The following GPR78 variants were observed in gnomAD, a reference collection of about 807,000 sequenced individuals.
The protein encoded by GPR78 is G protein-coupled receptor 78.
Under a neutral mutation model 17.9 loss-of-function variants are expected in GPR78, and 29 were observed. That is an observed-to-expected ratio of 1.62 (90% confidence interval 1.20 to 2.21). The LOEUF (loss-of-function observed/expected upper bound fraction) is 2.21. GPR78 is among the 30% of genes most tolerant of loss of function. The pLI is 0.00. For missense variants in GPR78, 649 were observed against 530.5 expected, an observed-to-expected ratio of 1.22 and a Z score of -2.19; for synonymous variants, 349 against 256.9, an observed-to-expected ratio of 1.36 and a Z score of -3.43.
At position 8,581,106 on chromosome 4, in the gene GPR78, G is replaced by C. The variant is rs1345350770; in HGVS notation, c.124G>C (p.Gly42Arg). The change falls in exon 1 of 3, where the codon GGC becomes CGC. Residue 42 changes from glycine (G) to arginine (R), a missense_variant. Physicochemically the swap from Gly to Arg is moderately radical, Grantham distance 125. Transcript: ENST00000382487. The stretch of plus-strand genomic sequence containing the variant: ...CGCTGAGCTCCGCACTCGAGCCTCA[G>C]GCGTCCTCCTGGTGAATCTGTCTCT... ...YSAELRTRASGVLLVNLSLGH... is the reference protein window; with the variant it reads ...YSAELRTRASRVLLVNLSLGH... The C allele has an allele frequency of 6.2e-7, 1 of 1,606,664 alleles. No individual in the cohort carries two copies. Among genetic ancestry groups the C allele is most frequent in the Non-Finnish European group, 8.5e-7 (1 of 1,179,732 alleles).
intron 1 of GPR78, among the ~76,000 whole-genome samples, 189 bp downstream of exon 1, chr4:8,581,839 T>G (rs1205311149): frequency 1.4e-5 from 2 of 142,150 alleles, no homozygotes; most frequent in Non-Finnish European, 3.1e-5. Flanking sequence ...CGGGGGCCTC[T>G]GCCTCCTGGG....
intron 2 of GPR78, among the ~76,000 whole-genome samples, chr4:8,584,984 C>T (rs1713441557): frequency 6.6e-6 from 1 of 152,248 alleles, no homozygotes; most frequent in South Asian, 2.1e-4. Context: ...AACTCCAAGT[C>T]ACCTTGAGCC....
chr4:8,588,546 C>T lies in GPR78; in HGVS notation c.*1183C>T, dbSNP rs1185862853. Among the ~76,000 whole-genome samples, 6 of 152,238 alleles carry T rather than the reference C, an allele frequency of 3.9e-5. No individual in the cohort carries two copies. The highest frequency in any genetic ancestry group is 9.6e-5 in the African/African-American group (4 of 41,456). On this transcript the variant is annotated 3_prime_UTR_variant, in exon 3 of 3. Coordinates refer to ENST00000382487, the MANE Select transcript of GPR78 (RefSeq NM_080819.5). ...TGAATGGACACGATTCTCTCTTCAG[C>T]CTCTGTCATTGCTGTTTTCTTCAAG...
At position 8,587,196 on chromosome 4, in the gene GPR78, G is replaced by A; in HGVS notation, c.925G>A (p.Val309Met). 5 of 1,612,746 alleles carry A rather than the reference G, an allele frequency of 3.1e-6. No homozygotes were observed. The highest frequency in any genetic ancestry group is 4.2e-6 in the Non-Finnish European group (5 of 1,179,440). ...RPFRQVLAGM[V>M]HRLLKRTPRP... ...GTTCCGCCAAGTCCTGGCCGGCATG[G>A]TGCACCGGCTGCTGAAGAGAACCCC... Residue 309 changes from valine (V) to methionine (M), a missense_variant, in exon 3 of 3, where the codon GTG becomes ATG. Physicochemically the swap from Val to Met is conservative, Grantham distance 21 (BLOSUM62 1). Transcript: ENST00000382487.
In GPR78 at chr4:8,581,603, C is replaced by T. The variant is rs756944712; in HGVS notation, c.621C>T (p.Asp207=). The T allele has an allele frequency of 1.6e-5, 24 of 1,543,030 alleles. No individual in the cohort carries two copies. The highest frequency in any genetic ancestry group is 2.7e-5 in the African/African-American group (2 of 73,010). ...RVARRHCQRM[D]TVTMKALALL... is the part of the protein sequence containing the mutation. ...CACGCAGACACTGCCAGCGCATGGA[C>T]ACCGTCACCATGAAGGCGCTCGCGC... The change falls in exon 1 of 3, where the codon GAC becomes GAT. Residue 207 remains aspartate (D), a synonymous_variant. Transcript: ENST00000382487.
intron 2 of GPR78, among the ~76,000 whole-genome samples, chr4:8,584,325 A>T (rs1462600155): frequency 2.0e-5 from 3 of 152,214 alleles, no homozygotes; most frequent in African/African-American, 4.8e-5. Flanking sequence ...ACACGAGTGT[A>T]AGAGGAAGAA....
At chr4:8,582,667 C>G (rs753862812) in intron 2 of GPR78, 23 bp downstream of exon 2, 2 of 1,497,278 alleles carry the variant, frequency 1.3e-6, no homozygotes, top group African/African-American at 2.8e-5. Context: ...AGTCCGGCTC[C>G]TGTTGTGGGA....
In GPR78 at chr4:8,587,050, A is replaced by G. The variant is rs759506438; in HGVS notation, c.783-4A>G. 3.1e-6 allele frequency: 5 copies of G among 1,608,916 alleles called. No individual in the cohort carries two copies. The highest frequency in any genetic ancestry group is 4.5e-5 in the East Asian group (2 of 44,782). ...CTGAGTTAGCTGCTCCGCTTCCCCAACAGGCTGGCGGAGCTCGTGCCCTTC... is the reference window on the plus strand; with the variant it reads ...CTGAGTTAGCTGCTCCGCTTCCCCAGCAGGCTGGCGGAGCTCGTGCCCTTC... On this transcript the variant is annotated splice_polypyrimidine_tract_variant and splice_region_variant and intron_variant, in intron 2 of 2. Transcript: ENST00000382487.
Position 8,587,659 on chromosome 4 carries a change from C to G in GPR78, c.*296C>G, listed in dbSNP as rs540012372. On this transcript the variant is annotated 3_prime_UTR_variant, in exon 3 of 3. Coordinates refer to ENST00000382487, the MANE Select transcript of GPR78 (RefSeq NM_080819.5). ...CTGGGGTCATGGCGATGCTTCGAGA[C>G]AGTGGGTAGGGAAGTGCCCTGTGTG... is the stretch of plus-strand genomic sequence containing the variant. 2.0e-6 allele frequency: 1 copy of G among 504,300 alleles called. No homozygotes were observed. Among genetic ancestry groups the G allele is most frequent in the African/African-American group, 1.9e-5 (1 of 52,088 alleles). 31.2% of individuals were successfully genotyped at this position (504,300 alleles called of 1,614,324 possible). A position where few individuals can be genotyped will look rare whatever the true frequency, so the allele number is the denominator to read the frequency against.
chr4:8,583,754 G>A (rs972578636), intron 2 of GPR78, among the ~76,000 whole-genome samples: 2 of 152,218 alleles, frequency 1.3e-5, no homozygotes, highest in African/African-American at 2.4e-5. Flanking sequence ...GAGTGCCCAC[G>A]CTGAGTGGCA....
intron 2 of GPR78, among the ~76,000 whole-genome samples, chr4:8,584,889 C>T (rs1011697589): frequency 2.0e-5 from 3 of 152,246 alleles, no homozygotes; most frequent in Non-Finnish European, 2.9e-5. Context: ...CAGAGCTCTT[C>T]TCCTGGGAAT....
chr4:8,585,247 C>A (rs1335968559), intron 2 of GPR78, among the ~76,000 whole-genome samples: 6 of 152,188 alleles, frequency 3.9e-5, no homozygotes, highest in Non-Finnish European at 8.8e-5. Flanking sequence ...AGCGAGCCCT[C>A]TTCTCTGCAG....
In GPR78 at chr4:8,587,020, T is replaced by C. The variant is rs372112084; in HGVS notation, c.783-34T>C. 1.7e-5 allele frequency: 27 copies of C among 1,593,542 alleles called. No individual in the cohort carries two copies. In the African/African-American group the frequency reaches 3.3e-4, roughly 20 times the overall value. On this transcript the variant is annotated intron_variant, in intron 2 of 2. Transcript: ENST00000382487. Reference sequence around the variant, plus strand: ...GTGAGTGCGTGGCAGGTGCTGTCACTGTGGCTGAGTTAGCTGCTCCGCTTC... The same window carrying C: ...GTGAGTGCGTGGCAGGTGCTGTCACCGTGGCTGAGTTAGCTGCTCCGCTTC...
chr4:8,585,752 C>T (rs1304094094), intron 2 of GPR78, among the ~76,000 whole-genome samples: 2 of 152,042 alleles, frequency 1.3e-5, no homozygotes, highest in Non-Finnish European at 2.9e-5. Context: ...CATTCTGGCC[C>T]TGCCCCTCAG....
Position 8,581,381 on chromosome 4 carries a change from G to A in GPR78, c.399G>A (p.Gln133=). 6.3e-7 allele frequency: 1 copy of A among 1,584,146 alleles called. No homozygotes were observed. The highest frequency in any genetic ancestry group is 1.1e-5 in the South Asian group (1 of 89,274). ...TGCTGCTGGGCTGTGCCTGGGGACAGTCGCTGGCCTTCTCAGGCGCTGCAC... is the reference window on the plus strand; with the variant it reads ...TGCTGCTGGGCTGTGCCTGGGGACAATCGCTGGCCTTCTCAGGCGCTGCAC... ...AGLLLGCAWG[Q]SLAFSGAALG... is the part of the protein sequence containing the mutation. Residue 133 remains glutamine (Q), a synonymous_variant, in exon 1 of 3, where the codon CAG becomes CAA. Transcript: ENST00000382487.
Position 8,581,335 on chromosome 4 carries a change from T to C in GPR78, c.353T>C (p.Leu118Pro). 2 of 1,576,302 alleles carry C rather than the reference T, an allele frequency of 1.3e-6. No individual in the cohort carries two copies. The highest frequency in any genetic ancestry group is 2.3e-5 in the East Asian group (1 of 44,136). ...TTCCCACTGCGCTACGCCGGACGCC[T>C]GCGACCGCGCTATGCCGGCCTGCTG... Reference protein sequence around the residue: ...VGFPLRYAGRLRPRYAGLLLG... With the variant: ...VGFPLRYAGRPRPRYAGLLLG... Residue 118 changes from leucine to proline, a missense_variant, in exon 1 of 3, where the codon CTG (leucine) becomes CCG (proline). Physicochemically the swap from Leu to Pro is moderately conservative, Grantham distance 98. Coordinates refer to ENST00000382487, the MANE Select transcript of GPR78 (RefSeq NM_080819.5).
chr4:8,581,756 G>C, intron 1 of GPR78, 106 bp downstream of exon 1: 1 of 826,518 alleles, frequency 1.2e-6, no homozygotes. Context: ...TCCGCCCAGA[G>C]TTCACCAGCC....
intron 2 of GPR78, 147 bp downstream of exon 2, chr4:8,582,791 G>C (rs1713352051): frequency 1.9e-5 from 12 of 622,484 alleles, no homozygotes; most frequent in Non-Finnish European, 2.9e-6. Flanking sequence ...GCTCAGGGCT[G>C]TGCTTCAGCT....
Position 8,587,498 on chromosome 4 carries a change from A to AG in GPR78, c.*137dup. 1 of 869,074 alleles carries AG rather than the reference A, an allele frequency of 1.2e-6. No individual in the cohort carries two copies. The highest frequency in any genetic ancestry group is 1.8e-6 in the Non-Finnish European group (1 of 566,706). The allele number at this position is 869,074 out of a possible 1,614,324, so 53.8% of individuals were successfully genotyped here. A position where few individuals can be genotyped will look rare whatever the true frequency, so the allele number is the denominator to read the frequency against. On this transcript the variant is annotated 3_prime_UTR_variant, in exon 3 of 3. Coordinates refer to ENST00000382487, the MANE Select transcript of GPR78 (RefSeq NM_080819.5). ...TGAGCTAAGGCTGAAGTACAGGAGG[A>AG]GGAGGAGGAGAGGGCCGGATGTGGG...
Sources: gnomAD v4.1 joint callset for allele counts (sites outside exome capture counted in the v4.1 genomes callset) on GRCh38, gnomAD v4.1.1 for gene constraint, MANE v1.5 for transcripts, NCBI Gene and HGNC (gene_info 2026-07-23, HGNC 2026-07-21) for gene names.